ZYG11B: variants seen among roughly 807,000 people sequenced by gnomAD.
ZYG11B encodes zyg-11 family member B, cell cycle regulator.
In ZYG11B, 36 loss-of-function variants were observed where a neutral mutation model predicts 82.4. The ratio of observed to expected loss-of-function variants is 0.44; its 90% CI spans 0.33 to 0.58. The LOEUF is 0.58. ZYG11B is among the 20% of genes least tolerant of loss of function. The probability of loss-of-function intolerance (pLI) is 0.02; values close to 1 mark genes in which losing one functional copy is unlikely to be tolerated. For synonymous variants in ZYG11B, 303 were observed against 312.8 expected, an observed-to-expected ratio of 0.97 and a Z score of 0.33; for missense variants, 552 against 895.6, an observed-to-expected ratio of 0.62 and a Z score of 4.90.
At chr1:52,740,260 C>T (rs904946586) in intron 1 of ZYG11B, among the ~76,000 whole-genome samples, 20 of 152,194 alleles carry the variant, frequency 1.3e-4, no homozygotes, top group Non-Finnish European at 2.8e-4. Context: ...TATCACATGA[C>T]GTTAGATGAA....
At chr1:52,790,715 CAAAA>C (rs755866491) in intron 6 of ZYG11B, among the ~76,000 whole-genome samples, 405 of 49,694 alleles carry the variant, frequency 8.1e-3, no homozygotes, top group African/African-American at 0.028. Context: ...AAGACTGTCT[CAAAA>C]AAAAAAAAAA....
chr1:52,771,669 AG>A lies in ZYG11B; in HGVS notation c.847del (p.Ala283ProfsTer15). ...VSGRKHVTDK[A>X]VEAFIQQRPS... Reference sequence around the variant, plus strand: ...CTGGGAGAAAGCACGTGACAGATAAAGCCGTTGAAGCCTTTATACAACAACG... The same window carrying A: ...CTGGGAGAAAGCACGTGACAGATAAACCGTTGAAGCCTTTATACAACAACG... On this transcript the variant is annotated frameshift_variant, in exon 3 of 14. Transcript: ENST00000294353. LOFTEE classifies it high-confidence loss of function. This position sits in a 1 kb window ranked among gnomAD's most constrained non-coding sequence, Gnocchi z 5.4. 6.2e-7 allele frequency: 1 copy of A among 1,614,246 alleles called. No homozygotes were observed. Among genetic ancestry groups the A allele is most frequent in the African/African-American group, 1.3e-5 (1 of 75,074 alleles).
rs778708109 is a variant in ZYG11B, at chr1:52,771,135, C to T, written c.312C>T (p.His104=). 3.7e-6 allele frequency: 6 copies of T among 1,614,182 alleles called. No homozygotes were observed. The highest frequency in any genetic ancestry group is 8.5e-7 in the Non-Finnish European group (1 of 1,180,028). Residue 104 remains histidine, a synonymous_variant, in exon 3 of 14, where the codon CAC becomes CAT. Transcript: ENST00000294353. This position sits in a 1 kb window ranked among gnomAD's most constrained non-coding sequence, Gnocchi z 5.4. ...SAVAFRKAFC[H]HKLVELDATG... ...TTGCTTTCCGGAAAGCTTTCTGCCACCACAAGTTAGTGGAACTTGATGCCA... is the reference window on the plus strand; with the variant it reads ...TTGCTTTCCGGAAAGCTTTCTGCCATCACAAGTTAGTGGAACTTGATGCCA...
chr1:52,796,861 G>A, intron 8 of ZYG11B, 77 bp downstream of exon 8: 1 of 322,342 alleles, frequency 3.1e-6, no homozygotes, highest in Non-Finnish European at 4.7e-6. Context: ...TATATTTTCT[G>A]ACATTTTTTA....
At chr1:52,818,834 C>T (rs1645256791) in intron 13 of ZYG11B, among the ~76,000 whole-genome samples, 1 of 147,454 alleles carries the variant, frequency 6.8e-6, no homozygotes. Context: ...CACTCTGTTG[C>T]CCAGGCTGGA....
At chr1:52,742,665 G>C (rs1422061461) in intron 1 of ZYG11B, among the ~76,000 whole-genome samples, 5 of 151,732 alleles carry the variant, frequency 3.3e-5, no homozygotes, top group Admixed American at 3.3e-4. Context: ...ACATGGTGAA[G>C]CCTCGTCTCT....
intron 2 of ZYG11B, among the ~76,000 whole-genome samples, chr1:52,764,661 G>T (rs2149934405): frequency 6.6e-6 from 1 of 152,316 alleles, no homozygotes; most frequent in Middle Eastern, 3.4e-3. Context: ...GGAGCGTATA[G>T]TCCAGTGGGA....
At chr1:52,746,766 C>T (rs12736035) in intron 1 of ZYG11B, among the ~76,000 whole-genome samples, 9,921 of 117,682 alleles carry the variant, frequency 0.084, 575 homozygotes, top group African/African-American at 0.18. Context: ...TCAGCCATTG[C>T]TCAGGGGCTG....
rs1558140216 is a variant in ZYG11B at position 52,803,143 on chromosome 1, T to TATATATATACAC, written c.1695+1013_1695+1014insCACATATATATA. Among the ~76,000 whole-genome samples the TATATATATACAC allele has an allele frequency of 2.7e-5, 2 of 72,776 alleles. 1 individual carries two copies. The highest frequency in any genetic ancestry group is 4.7e-5 in the Non-Finnish European group (2 of 42,540). The allele number at this position is 72,776 out of a possible 152,430, so 47.7% of individuals were successfully genotyped here. A position where few individuals can be genotyped will look rare whatever the true frequency, so the allele number is the denominator to read the frequency against. On this transcript the variant is annotated intron_variant, in intron 10 of 13. Transcript: ENST00000294353. ...ACACACATATATATATACACACATATATATATATATACACATATATATATA... is the reference window on the plus strand; with the variant it reads ...ACACACATATATATATACACACATATATATATATACACATATATATATACACATATATATATA...
At chr1:52,765,638 A>G (rs533427729) in intron 2 of ZYG11B, among the ~76,000 whole-genome samples, 5 of 152,230 alleles carry the variant, frequency 3.3e-5, no homozygotes, top group Admixed American at 6.5e-5. Context: ...GCTAGCTAGG[A>G]CTACAGGTAT....
rs35418497 is a variant in ZYG11B, at chr1:52,750,273, A to AT, written c.31-6169dup. Among the ~76,000 whole-genome samples the AT allele has an allele frequency of 2.3e-3, 304 of 132,270 alleles. 1 individual carries two copies. The highest frequency in any genetic ancestry group is 0.013 in the South Asian group (54 of 4,116). 86.8% of individuals were successfully genotyped at this position (132,270 alleles called of 152,430 possible). On this transcript the variant is annotated intron_variant, in intron 1 of 13. Transcript: ENST00000294353. ...CCACTCTGCCTGGCCCCCAGCAACTATTTTTTTTTTTTTTTTGAGACGGAG... is the reference window on the plus strand; with the variant it reads ...CCACTCTGCCTGGCCCCCAGCAACTATTTTTTTTTTTTTTTTTGAGACGGAG...
At chr1:52,772,695 T>G (rs961608879) in intron 3 of ZYG11B, 1 of 714,146 alleles carries the variant, frequency 1.4e-6, no homozygotes, top group Non-Finnish European at 2.5e-6. Flanking sequence ...TTTTTTCTTT[T>G]GAGACGGAGT....
rs150191307 is a variant in ZYG11B at position 52,784,939 on chromosome 1, C to T, written c.1155C>T (p.Ala385=). ...TGCCAGTGCAACTGGCTGCAAGCGCCTGTGTATTTAACTTAACCAAGCAGG... is the reference window on the plus strand; with the variant it reads ...TGCCAGTGCAACTGGCTGCAAGCGCTTGTGTATTTAACTTAACCAAGCAGG... ...MNLPVQLAAS[A]CVFNLTKQDL... is the part of the protein sequence containing the mutation. Residue 385 remains alanine (A), a synonymous_variant, in exon 5 of 14, where the codon GCC becomes GCT. Coordinates refer to ENST00000294353, the MANE Select transcript of ZYG11B (RefSeq NM_024646.3). 277 of 1,614,162 alleles carry T rather than the reference C, an allele frequency of 1.7e-4. No homozygotes were observed. In the African/African-American group the frequency reaches 2.9e-3, roughly 17 times the overall value.
intron 2 of ZYG11B, among the ~76,000 whole-genome samples, chr1:52,761,092 A>C (rs1205414888): frequency 6.6e-6 from 1 of 152,106 alleles, no homozygotes; most frequent in Non-Finnish European, 1.5e-5. Context: ...ACATATAATA[A>C]TTGTACATAT....
intron 1 of ZYG11B, among the ~76,000 whole-genome samples, chr1:52,743,129 G>A (rs1437352711): frequency 2.6e-5 from 4 of 152,042 alleles, no homozygotes; most frequent in African/African-American, 7.2e-5. Flanking sequence ...GGAAATGTGG[G>A]GAAAAGAGAG....
chr1:52,797,963 C>CAA (rs1274651056), intron 8 of ZYG11B, among the ~76,000 whole-genome samples: 7 of 136,618 alleles, frequency 5.1e-5, no homozygotes, highest in Non-Finnish European at 4.8e-5. Flanking sequence ...CCTTCTCTAC[C>CAA]AAAAAAAAAA....
chr1:52,786,574 C>G (rs764416746), intron 5 of ZYG11B, among the ~76,000 whole-genome samples: 2 of 151,994 alleles, frequency 1.3e-5, no homozygotes, highest in Non-Finnish European at 2.9e-5. Context: ...CATAGTGAGG[C>G]CCTGTCTCTA....
At chr1:52,769,963 A>G (rs367707672) in intron 2 of ZYG11B, among the ~76,000 whole-genome samples, 2 of 149,140 alleles carry the variant, frequency 1.3e-5, no homozygotes, top group East Asian at 2.0e-4. Flanking sequence ...TGCTTGTGAC[A>G]CTGTTGATTG....
chr1:52,766,994 G>A (rs189543225), intron 2 of ZYG11B, among the ~76,000 whole-genome samples: 120 of 144,310 alleles, frequency 8.3e-4, no homozygotes, highest in African/African-American at 2.9e-3. Flanking sequence ...GGTGAAAAGC[G>A]AGACTCCGTC....
Sources: allele counts gnomAD v4.1 joint callset (sites outside exome capture counted in the v4.1 genomes callset), GRCh38; gene constraint gnomAD v4.1.1; non-coding constraint Gnocchi (gnomAD v3.1); transcripts MANE v1.5; gene names NCBI Gene and HGNC (gene_info 2026-07-23, HGNC 2026-07-21).